FAM149A: variants seen among roughly 807,000 people sequenced by gnomAD.
FAM149A encodes family with sequence similarity 149 member A, also known as protein FAM149A.
FAM149A carries 71 observed loss-of-function variants against 78.2 expected under a neutral mutation model. The ratio of observed to expected loss-of-function variants is 0.91; its 90% CI spans 0.75 to 1.11. The LOEUF is 1.11. Among genes scored for constraint, FAM149A ranks in the 50% least tolerant of loss-of-function variants. The pLI is 0.00. For missense variants in FAM149A, 1,036 were observed against 971.0 expected, an observed-to-expected ratio of 1.07 and a Z score of -0.89; for synonymous variants, 446 against 410.5, an observed-to-expected ratio of 1.09 and a Z score of -1.04.
rs1378689592 is a variant in FAM149A, at chr4:186,149,659, C to A, written c.744C>A (p.Thr248=). Reference sequence around the variant, plus strand: ...GGTCGGCCACACAGAGCTCTACCACCGGCTCATCCACGGAGAGGGGCTCCG... The same window carrying A: ...GGTCGGCCACACAGAGCTCTACCACAGGCTCATCCACGGAGAGGGGCTCCG... Residue 248 remains threonine, a synonymous_variant, in exon 3 of 14, where the codon ACC becomes ACA. Transcript: ENST00000389354. 1 of 1,289,810 alleles carries A rather than the reference C, an allele frequency of 7.8e-7. No homozygotes were observed. Among genetic ancestry groups the A allele is most frequent in the South Asian group, 1.2e-5 (1 of 80,964 alleles). The allele number at this position is 1,289,810 out of a possible 1,614,324, so 79.9% of individuals were successfully genotyped here. A position where few individuals can be genotyped will look rare whatever the true frequency, so the allele number is the denominator to read the frequency against.
chr4:186,141,003 T>C (rs546976784), intron 1 of FAM149A, among the ~76,000 whole-genome samples: 29 of 152,318 alleles, frequency 1.9e-4, no homozygotes, highest in Admixed American at 1.8e-3. Flanking sequence ...CTGATCCAAC[T>C]TGCCAGCATC....
chr4:186,136,931 G>A (rs982387080), intron 1 of FAM149A, among the ~76,000 whole-genome samples: 2 of 124,382 alleles, frequency 1.6e-5, no homozygotes, highest in Admixed American at 1.6e-4. Flanking sequence ...CAAATACACT[G>A]ATTGATCTCT....
At chr4:186,151,586 G>A (rs1733590920) in intron 3 of FAM149A, 2 of 255,342 alleles carry the variant, frequency 7.8e-6, no homozygotes, top group Non-Finnish European at 1.2e-5. Flanking sequence ...GTGTCTGTGT[G>A]TCTACGCTGA....
At chr4:186,167,673 C>A (rs536395607) in intron 13 of FAM149A, 4 of 303,958 alleles carry the variant, frequency 1.3e-5, no homozygotes, top group South Asian at 3.1e-5. Flanking sequence ...TTGCTAATTA[C>A]TTTATAACAC....
In FAM149A at chr4:186,167,058, G is replaced by A; in HGVS notation, c.2101G>A (p.Glu701Lys). 1.2e-6 allele frequency: 2 copies of A among 1,614,154 alleles called. No individual in the cohort carries two copies. Among genetic ancestry groups the A allele is most frequent in the Non-Finnish European group, 1.7e-6 (2 of 1,180,036 alleles). ...TCTTCGAGAAAGAACAGCCACCCTG[G>A]AACGGTTGTCAAGGCCCAGCACAAC... The change falls in exon 12 of 14, where the codon GAA becomes AAA. Residue 701 changes from glutamate (E) to lysine (K), a missense_variant. This residue lies in a region of FAM149A where 716 missense variants were observed against 711.8 expected (regional missense o/e 1.01). Coordinates refer to ENST00000389354, the MANE Select transcript of FAM149A (RefSeq NM_001367768.3).
At chr4:186,160,929 C>T (rs1734557440) in intron 8 of FAM149A, 4 of 954,198 alleles carry the variant, frequency 4.2e-6, no homozygotes, top group Non-Finnish European at 5.0e-6. Flanking sequence ...TTCTCAAAAC[C>T]TCAATTTCCT....
chr4:186,109,082 T>C (rs544456175), intron 1 of FAM149A: 263 of 439,436 alleles, frequency 6.0e-4, no homozygotes, highest in African/African-American at 4.4e-3. Context: ...CTCCTGACCT[T>C]GTAATTTGCC....
At chr4:186,126,102 A>T in intron 1 of FAM149A, 1 of 985,256 alleles carries the variant, frequency 1.0e-6, no homozygotes. Context: ...TTTGAAAATT[A>T]TTTCCACAAA....
rs1375266308 is a variant in FAM149A at position 186,105,193 on chromosome 4, G to T, written c.117G>T (p.Ser39=). The T allele has an allele frequency of 2.4e-6, 3 of 1,271,946 alleles. No individual in the cohort carries two copies. The highest frequency in any genetic ancestry group is 1.6e-5 in the African/African-American group (1 of 63,068). The allele number at this position is 1,271,946 out of a possible 1,614,324, so 78.8% of individuals were successfully genotyped here. ...CGGGAGGTGCTGCCGCTGCAGGGTC[G>T]GGGGGCTCCAGGGCGGGCACCCCGT... is the stretch of plus-strand genomic sequence containing the variant. Residue 39 remains serine (S), a synonymous_variant, in exon 1 of 14, where the codon TCG becomes TCT. Coordinates refer to ENST00000389354, the MANE Select transcript of FAM149A (RefSeq NM_001367768.3).
chr4:186,127,686 G>A (rs1317766867), intron 1 of FAM149A: 1 of 961,844 alleles, frequency 1.0e-6, no homozygotes, highest in South Asian at 5.0e-5. Flanking sequence ...TATTCTGGTG[G>A]TTTTTGTTTT....
chr4:186,156,302 G>C, intron 7 of FAM149A, 112 bp downstream of exon 7: 1 of 759,438 alleles, frequency 1.3e-6, no homozygotes, highest in Non-Finnish European at 2.2e-6. Flanking sequence ...GAGAAGACAA[G>C]TGGGTGTTCT....
chr4:186,165,543 C>T (rs995417620), intron 11 of FAM149A, 79 bp downstream of exon 11: 14 of 1,471,700 alleles, frequency 9.5e-6, no homozygotes, highest in Non-Finnish European at 1.2e-5. Context: ...CTTGGCACTT[C>T]CAAGTGAAAT....
chr4:186,128,876 G>GT (rs2099319430), intron 1 of FAM149A, among the ~76,000 whole-genome samples: 1 of 151,854 alleles, frequency 6.6e-6, no homozygotes, highest in Non-Finnish European at 1.5e-5. Flanking sequence ...AGGGGTGTGT[G>GT]TGTATGGGTG....
chr4:186,136,293 C>CT (rs2099322671), intron 1 of FAM149A, among the ~76,000 whole-genome samples: 1 of 151,970 alleles, frequency 6.6e-6, no homozygotes, highest in Admixed American at 6.6e-5. Flanking sequence ...TTAGATTATT[C>CT]TTTTTTCACT....
chr4:186,165,234 C>G (rs1021834661), intron 10 of FAM149A, 110 bp from the exon 11 acceptor site: 2 of 1,201,240 alleles, frequency 1.7e-6, no homozygotes, highest in African/African-American at 3.0e-5. Context: ...CAAAGACCTC[C>G]TGTGTGCCCC....
At chr4:186,169,888 A>T (rs552434139) in intron 13 of FAM149A, 1 of 985,464 alleles carries the variant, frequency 1.0e-6, no homozygotes, top group Non-Finnish European at 1.2e-6. Flanking sequence ...TAGAAGAGAG[A>T]ATGCAGCCAA....
intron 1 of FAM149A, among the ~76,000 whole-genome samples, chr4:186,136,946 C>T (rs1201562847): frequency 5.4e-5 from 7 of 128,720 alleles, no homozygotes; most frequent in African/African-American, 2.2e-4. Context: ...ATCTCTCTCT[C>T]TCTCTCTCTC....
intron 13 of FAM149A, chr4:186,169,172 C>T (rs1735321441): frequency 1.0e-6 from 1 of 982,864 alleles, no homozygotes; most frequent in Non-Finnish European, 1.2e-6. Flanking sequence ...TGACCAAATG[C>T]CAAGTCAGTG....
intron 9 of FAM149A, 38 bp downstream of exon 9, chr4:186,162,986 C>A: frequency 8.6e-7 from 1 of 1,166,336 alleles, no homozygotes; most frequent in Non-Finnish European, 1.3e-6. Context: ...CCAGCCTCTT[C>A]CCTGTGCTGC....
Sources: allele counts gnomAD v4.1 joint callset (sites outside exome capture counted in the v4.1 genomes callset), GRCh38; gene constraint gnomAD v4.1.1; regional missense constraint gnomAD v4.1.1; transcripts MANE v1.5; gene names NCBI Gene and HGNC (gene_info 2026-07-23, HGNC 2026-07-21).